Variants in WASF3 observed in about 807,000 individuals in gnomAD.
The protein encoded by WASF3 is WASP family member 3.
WASF3 carries 11 observed loss-of-function variants against 46.6 expected under a neutral mutation model. The observed-to-expected ratio is 0.24, with a 90% confidence interval of 0.15 to 0.39. The LOEUF (loss-of-function observed/expected upper bound fraction) is 0.39, where lower values mean the gene tolerates loss of function less well. WASF3 is among the 10% of genes least tolerant of loss of function. The probability of loss-of-function intolerance (pLI) is 1.00; values close to 1 mark genes in which losing one functional copy is unlikely to be tolerated. For synonymous variants in WASF3, 242 were observed against 259.7 expected, an observed-to-expected ratio of 0.93 and a Z score of 0.65; for missense variants, 576 against 669.8, an observed-to-expected ratio of 0.86 and a Z score of 1.55.
intron 1 of WASF3, among the ~76,000 whole-genome samples, chr13:26,611,800 G>T (rs1375193178): frequency 6.6e-6 from 1 of 151,912 alleles, no homozygotes; most frequent in Non-Finnish European, 1.5e-5. Context: ...AGTAAAATAG[G>T]ATGTATAAAA....
chr13:26,640,059 C>T (rs1410461680), intron 2 of WASF3, among the ~76,000 whole-genome samples: 1 of 151,904 alleles, frequency 6.6e-6, no homozygotes, highest in Non-Finnish European at 1.5e-5. Context: ...GGTGTGTGGG[C>T]TCTGGATTGG....
intron 4 of WASF3, among the ~76,000 whole-genome samples, chr13:26,665,553 C>T (rs1593178642): frequency 6.6e-6 from 1 of 151,948 alleles, no homozygotes; most frequent in African/African-American, 2.4e-5. Flanking sequence ...CCTTGTGTGA[C>T]ACAAGCACCT....
chr13:26,659,678 G>A (rs927993986), intron 3 of WASF3, among the ~76,000 whole-genome samples: 1 of 152,126 alleles, frequency 6.6e-6, no homozygotes, highest in Admixed American at 6.6e-5. Flanking sequence ...CAGGTGGTGC[G>A]TGCAGAGCAG....
In WASF3 at chr13:26,599,217, T is replaced by C. The variant is rs1880572953; in HGVS notation, c.-108-13744T>C. Among the ~76,000 whole-genome samples, 7 of 149,548 alleles carry C rather than the reference T, an allele frequency of 4.7e-5. No homozygotes were observed. The South Asian group carries it at 1.3e-3, about 28-fold the overall frequency. On this transcript the variant is annotated intron_variant, in intron 1 of 9. Coordinates refer to ENST00000335327, the MANE Select transcript of WASF3 (RefSeq NM_006646.6). Reference sequence around the variant, plus strand: ...TTTTTTTTTTGAGACGGAGTCTTGCTCTGTCACCCAGGCTGGAGTGCAGTG... The same window carrying C: ...TTTTTTTTTTGAGACGGAGTCTTGCCCTGTCACCCAGGCTGGAGTGCAGTG...
intron 3 of WASF3, among the ~76,000 whole-genome samples, chr13:26,643,947 A>T (rs530895144): frequency 6.6e-6 from 1 of 152,142 alleles, no homozygotes; most frequent in Non-Finnish European, 1.5e-5. Context: ...TGGATGTGTT[A>T]TGTTACGTGT....
intron 1 of WASF3, among the ~76,000 whole-genome samples, chr13:26,559,029 A>C (rs1237830478): frequency 1.3e-5 from 2 of 152,058 alleles, no homozygotes; most frequent in African/African-American, 4.8e-5. Flanking sequence ...GCTTTACCCA[A>C]CTCTCCTTTT....
In WASF3 at chr13:26,611,584, G is replaced by C. The variant is rs548719037; in HGVS notation, c.-108-1377G>C. On this transcript the variant is annotated intron_variant, in intron 1 of 9. Transcript: ENST00000335327. ...GGCTGGTTACCCTCAAAATCATCAA[G>C]TCGAATCAGCTGATCTAGTAGAGGT... Among the ~76,000 whole-genome samples, 10 of 152,182 alleles carry C rather than the reference G, an allele frequency of 6.6e-5. No homozygotes were observed. The South Asian group carries it at 1.5e-3, about 22-fold the overall frequency.
chr13:26,640,115 A>G (rs1279109074), intron 2 of WASF3, among the ~76,000 whole-genome samples: 1 of 152,008 alleles, frequency 6.6e-6, no homozygotes, highest in Non-Finnish European at 1.5e-5. Context: ...GCTGTTTTCC[A>G]TCTATTGGAA....
chr13:26,617,930 C>G (rs1881185065), intron 2 of WASF3, among the ~76,000 whole-genome samples: 1 of 152,186 alleles, frequency 6.6e-6, no homozygotes. Context: ...CTCCCTCCGG[C>G]TGCCTTGTGA....
upstream of WASF3, among the ~76,000 whole-genome samples, chr13:26,554,092 C>CTTTTTCTTTCTTTCT (rs1443126879): frequency 4.3e-5 from 1 of 23,262 alleles, no homozygotes; most frequent in African/African-American, 1.7e-4. Flanking sequence ...TCCTTCCTTC[C>CTTTTTCTTTCTTTCT]TTCCTTCTTT....
At chr13:26,680,632 C>T (rs891411498) in intron 7 of WASF3, among the ~76,000 whole-genome samples, 4 of 152,170 alleles carry the variant, frequency 2.6e-5, no homozygotes, top group Non-Finnish European at 5.9e-5. Context: ...AATATTTATC[C>T]AGTTAACCTG....
Position 26,575,990 on chromosome 13 carries a change from G to T in WASF3, c.-109+18171G>T, listed in dbSNP as rs1016040319. On this transcript the variant is annotated intron_variant, in intron 1 of 9. Coordinates refer to ENST00000335327, the MANE Select transcript of WASF3 (RefSeq NM_006646.6). ...GATTCAGGTCTTTTATTTTCAGGAA[G>T]TTTTTTTAGAGTATTATTTTAAATA... 7.9e-5 allele frequency among the ~76,000 whole-genome samples: 12 copies of T among 151,188 alleles called. 1 individual carries two copies. The highest frequency in any genetic ancestry group is 1.9e-4 in the African/African-American group (8 of 41,084).
In WASF3 at chr13:26,667,626, C is replaced by T; in HGVS notation, c.378C>T (p.Asn126=). ...SIPNPVADIY[N]QSDKPPPLNI... is the part of the protein sequence containing the mutation. The stretch of plus-strand genomic sequence containing the variant: ...CTAATCCTGTTGCTGATATTTACAA[C>T]CAGAGTGATAAGCCACCGCCTCTGA... Residue 126 remains asparagine, a synonymous_variant, in exon 5 of 10, where the codon AAC becomes AAT. Transcript: ENST00000335327. 6.2e-7 allele frequency: 1 copy of T among 1,614,088 alleles called. No individual in the cohort carries two copies. Among genetic ancestry groups the T allele is most frequent in the Non-Finnish European group, 8.5e-7 (1 of 1,180,002 alleles).
chr13:26,647,172 A>G (rs1456587817), intron 3 of WASF3, among the ~76,000 whole-genome samples: 1 of 152,014 alleles, frequency 6.6e-6, no homozygotes. Context: ...TAGAAATGAA[A>G]GAGAGGAAAT....
chr13:26,624,920 A>G (rs1417711611), intron 2 of WASF3, among the ~76,000 whole-genome samples: 3 of 152,076 alleles, frequency 2.0e-5, no homozygotes, highest in Non-Finnish European at 4.4e-5. Flanking sequence ...ATTAAAGGCC[A>G]AATAAAGAAT....
At chr13:26,597,609 T>C (rs1460638059) in intron 1 of WASF3, among the ~76,000 whole-genome samples, 5 of 152,186 alleles carry the variant, frequency 3.3e-5, no homozygotes, top group African/African-American at 1.2e-4. Flanking sequence ...ATGTTAATGC[T>C]ATCCCTCTGC....
chr13:26,572,784 T>C (rs7318730), intron 1 of WASF3, among the ~76,000 whole-genome samples: 126,175 of 152,116 alleles, frequency 0.83, 52,389 homozygotes, highest in East Asian at 0.9. Flanking sequence ...AACTCCTGAC[T>C]TCAAGTGATC....
chr13:26,608,041 A>G (rs1453842740), intron 1 of WASF3, among the ~76,000 whole-genome samples: 1 of 47,698 alleles, frequency 2.1e-5, no homozygotes, highest in Non-Finnish European at 4.9e-5. Flanking sequence ...ACCCCTCCCC[A>G]CCCCCCCGTC....
intron 3 of WASF3, among the ~76,000 whole-genome samples, chr13:26,660,194 GTTTTTTTTTTTTTTT>G (rs71080285): frequency 0.032 from 1,392 of 43,488 alleles, 46 homozygotes; most frequent in African/African-American, 0.095. Flanking sequence ...TTTTTGTTTG[GTTTTTTTTTTTTTTT>G]TTTTTTTTTT....
Sources: allele counts gnomAD v4.1 joint callset (sites outside exome capture counted in the v4.1 genomes callset), GRCh38; gene constraint gnomAD v4.1.1; transcripts MANE v1.5; gene names NCBI Gene and HGNC (gene_info 2026-07-23, HGNC 2026-07-21).